ZDHHC13: variants seen among roughly 807,000 people sequenced by gnomAD.
The protein encoded by ZDHHC13 is zDHHC palmitoyltransferase 13.
ZDHHC13 carries 85 observed loss-of-function variants against 86.0 expected under a neutral mutation model. The observed-to-expected ratio is 0.99, with a 90% CI of 0.83 to 1.18. The LOEUF is 1.18. Ranked by LOEUF, ZDHHC13 falls within the 50% of genes most tolerant of loss-of-function variation. The pLI is 0.00. For missense variants in ZDHHC13, 711 were observed against 730.2 expected, an observed-to-expected ratio of 0.97 and a Z score of 0.30; for synonymous variants, 263 against 246.4, an observed-to-expected ratio of 1.07 and a Z score of -0.63.
chr11:19,123,014 T>C (rs912176983), intron 1 of ZDHHC13, among the ~76,000 whole-genome samples: 2 of 152,236 alleles, frequency 1.3e-5, no homozygotes, highest in African/African-American at 4.8e-5. Flanking sequence ...TTTAATCATA[T>C]ATAATCACAT....
intron 1 of ZDHHC13, among the ~76,000 whole-genome samples, chr11:19,133,517 T>A (rs1161133126): frequency 6.6e-6 from 1 of 152,050 alleles, no homozygotes; most frequent in Non-Finnish European, 1.5e-5. Context: ...GTAAAATAGA[T>A]AAATTAATTG....
In ZDHHC13 at chr11:19,142,894, T is replaced by A. The variant is rs1849360227; in HGVS notation, c.28-84T>A. The A allele has an allele frequency of 2.2e-6, 3 of 1,367,568 alleles. No homozygotes were observed. The East Asian group carries it at 7.6e-5, about 34-fold the overall frequency. 84.7% of individuals were successfully genotyped at this position (1,367,568 alleles called of 1,614,324 possible). ...AAATGTAATTTATTAATATAGATATTGTTGATAGTAGCAAATGCTTCATTA... is the reference window on the plus strand; with the variant it reads ...AAATGTAATTTATTAATATAGATATAGTTGATAGTAGCAAATGCTTCATTA... On this transcript the variant is annotated intron_variant, in intron 1 of 16. Coordinates refer to ENST00000446113, the MANE Select transcript of ZDHHC13 (RefSeq NM_019028.3).
chr11:19,142,973 T>G lies in ZDHHC13; in HGVS notation c.28-5T>G. On this transcript the variant is annotated splice_region_variant and splice_polypyrimidine_tract_variant and intron_variant, in intron 1 of 16. Transcript: ENST00000446113. The stretch of plus-strand genomic sequence containing the variant: ...ATGCTTTGTCAAATGACTCTTACTC[T>G]TCAGTGCAGGAATCACAGCCATGGC... 1 of 1,602,270 alleles carries G rather than the reference T, an allele frequency of 6.2e-7. No individual in the cohort carries two copies. The highest frequency in any genetic ancestry group is 1.3e-5 in the African/African-American group (1 of 74,830).
At chr11:19,153,859 CTT>C (rs769341781) in intron 8 of ZDHHC13, among the ~76,000 whole-genome samples, 5 of 145,058 alleles carry the variant, frequency 3.4e-5, no homozygotes, top group Admixed American at 6.9e-5. Context: ...CTGTCTTCGC[CTT>C]TTTTTTTTTT....
intron 9 of ZDHHC13, among the ~76,000 whole-genome samples, chr11:19,157,050 C>T (rs377521168): frequency 6.6e-6 from 1 of 152,326 alleles, no homozygotes; most frequent in South Asian, 2.1e-4. Context: ...GGGGCCTTGG[C>T]CCTTGCTTGG....
At position 19,117,391 on chromosome 11, in the gene ZDHHC13, G is replaced by A; in HGVS notation, c.27+115G>A. On this transcript the variant is annotated intron_variant, in intron 1 of 16. Coordinates refer to ENST00000446113, the MANE Select transcript of ZDHHC13 (RefSeq NM_019028.3). This position sits in a 1 kb window ranked among gnomAD's most constrained non-coding sequence, Gnocchi z 4.2. ...ATGAGGGGGTTTCGGGAGCGGCGGG[G>A]CCTAGGTCTGGGAAGCGGGAGCCTG... is the stretch of plus-strand genomic sequence containing the variant. 7 of 1,126,464 alleles carry A rather than the reference G, an allele frequency of 6.2e-6. No individual in the cohort carries two copies. In the South Asian group the frequency reaches 1.0e-4, roughly 17 times the overall value. The allele number at this position is 1,126,464 out of a possible 1,614,324, so 69.8% of individuals were successfully genotyped here. A position where few individuals can be genotyped will look rare whatever the true frequency, so the allele number is the denominator to read the frequency against.
chr11:19,145,815 A>C (rs1345554817), intron 2 of ZDHHC13, among the ~76,000 whole-genome samples: 1 of 152,020 alleles, frequency 6.6e-6, no homozygotes, highest in East Asian at 1.9e-4. Context: ...CCTTATTGTG[A>C]GATTATTGCA....
At chr11:19,175,263 G>T (rs535923348) in intron 16 of ZDHHC13, among the ~76,000 whole-genome samples, 2 of 151,718 alleles carry the variant, frequency 1.3e-5, no homozygotes, top group East Asian at 3.9e-4. Context: ...GGTGGTGGGC[G>T]CCTATAGTCC....
At chr11:19,132,359 C>T (rs1849020203) in intron 1 of ZDHHC13, among the ~76,000 whole-genome samples, 1 of 152,192 alleles carries the variant, frequency 6.6e-6, no homozygotes, top group Non-Finnish European at 1.5e-5. Flanking sequence ...CTGATATCTC[C>T]ACTGAATAAC....
Position 19,117,184 on chromosome 11 carries a change from G to A in ZDHHC13, c.-66G>A, listed in dbSNP as rs866625994. ...AGTGGGAGAAGAGGCGACCCAAGGC[G>A]GGCTGGCGGGCTGGCGGCAGTCGCT... On this transcript the variant is annotated 5_prime_UTR_variant, in exon 1 of 17. Coordinates refer to ENST00000446113, the MANE Select transcript of ZDHHC13 (RefSeq NM_019028.3). This position sits in a 1 kb window ranked among gnomAD's most constrained non-coding sequence, Gnocchi z 4.2. 9 of 1,515,784 alleles carry A rather than the reference G, an allele frequency of 5.9e-6. No individual in the cohort carries two copies. The Middle Eastern group carries it at 9.3e-4, about 156-fold the overall frequency. The allele number at this position is 1,515,784 out of a possible 1,614,324, so 93.9% of individuals were successfully genotyped here.
At chr11:19,121,594 G>T (rs890394920) in intron 1 of ZDHHC13, among the ~76,000 whole-genome samples, 1 of 152,178 alleles carries the variant, frequency 6.6e-6, no homozygotes, top group East Asian at 1.9e-4. Flanking sequence ...AATAATTGAT[G>T]AAAACTCTTG....
At chr11:19,128,918 C>A (rs1218400716) in intron 1 of ZDHHC13, among the ~76,000 whole-genome samples, 2 of 152,198 alleles carry the variant, frequency 1.3e-5, no homozygotes, top group African/African-American at 4.8e-5. Flanking sequence ...TAGTTTATAT[C>A]ATCTAGCCTA....
Position 19,170,603 on chromosome 11 carries a change from A to C in ZDHHC13, c.1632+35A>C, listed in dbSNP as rs766650937. ...TCTCTTCTTATAATGGCTTTGAGTA[A>C]AATTTCTAAAACTTGTAGTGAGACA... On this transcript the variant is annotated intron_variant, in intron 15 of 16. Coordinates refer to ENST00000446113, the MANE Select transcript of ZDHHC13 (RefSeq NM_019028.3). 6 of 1,491,246 alleles carry C rather than the reference A, an allele frequency of 4.0e-6. No homozygotes were observed. The East Asian group carries it at 1.5e-4, about 38-fold the overall frequency. 92.4% of individuals were successfully genotyped at this position (1,491,246 alleles called of 1,614,324 possible). A position where few individuals can be genotyped will look rare whatever the true frequency, so the allele number is the denominator to read the frequency against.
intron 16 of ZDHHC13, among the ~76,000 whole-genome samples, chr11:19,174,498 C>T (rs1311640533): frequency 6.6e-6 from 1 of 152,250 alleles, no homozygotes; most frequent in East Asian, 1.9e-4. Flanking sequence ...GCAATGCCAT[C>T]ATCCCCATGC....
chr11:19,147,772 T>C lies in ZDHHC13; in HGVS notation c.374+99T>C, dbSNP rs1362265603. ...GACGATTTGAAAGGCTGTCTTTTCT[T>C]CCCCCCCCCCCTTTATTTAAAAATA... On this transcript the variant is annotated intron_variant, in intron 4 of 16. Transcript: ENST00000446113. 3.7e-4 allele frequency: 151 copies of C among 407,842 alleles called. 1 individual carries two copies. The highest frequency in any genetic ancestry group is 1.1e-3 in the Admixed American group (19 of 17,372). 25.3% of individuals were successfully genotyped at this position (407,842 alleles called of 1,614,324 possible).
intron 1 of ZDHHC13, among the ~76,000 whole-genome samples, chr11:19,121,752 A>AAAG (rs1848762797): frequency 6.6e-6 from 1 of 152,180 alleles, no homozygotes; most frequent in South Asian, 2.1e-4. Context: ...AATAGTGACT[A>AAAG]TTGTAATAGC....
chr11:19,143,228 A>G, intron 2 of ZDHHC13, 105 bp downstream of exon 2: 1 of 1,196,936 alleles, frequency 8.4e-7, no homozygotes, highest in Non-Finnish European at 1.1e-6. Context: ...TAACTTCATA[A>G]TAGTAGTTAA....
chr11:19,130,036 C>T (rs1030671081), intron 1 of ZDHHC13, among the ~76,000 whole-genome samples: 3 of 151,892 alleles, frequency 2.0e-5, no homozygotes, highest in Admixed American at 6.6e-5. Context: ...TGCAGTGAGC[C>T]GAGATCACGC....
intron 1 of ZDHHC13, among the ~76,000 whole-genome samples, chr11:19,121,502 A>G (rs756804709): frequency 2.6e-5 from 4 of 152,220 alleles, no homozygotes; most frequent in Non-Finnish European, 4.4e-5. Context: ...GTATTATGGA[A>G]GGAACTGTGT....
Sources: allele counts gnomAD v4.1 joint callset (sites outside exome capture counted in the v4.1 genomes callset), GRCh38; gene constraint gnomAD v4.1.1; non-coding constraint Gnocchi (gnomAD v3.1); transcripts MANE v1.5; gene names NCBI Gene and HGNC (gene_info 2026-07-23, HGNC 2026-07-21).